DVL3: variants seen among roughly 807,000 people sequenced by gnomAD.
DVL3 encodes segment polarity protein dishevelled homolog DVL-3.
Under a neutral mutation model 67.4 loss-of-function variants are expected in DVL3, and 27 were observed. The ratio of observed to expected loss-of-function variants is 0.40; its 90% CI spans 0.30 to 0.55. DVL3 has a LOEUF of 0.55. Ranked by LOEUF, DVL3 falls within the 20% of genes least tolerant of loss-of-function variation. The probability of loss-of-function intolerance (pLI) is 0.46; values close to 1 mark genes in which losing one functional copy is unlikely to be tolerated. For missense variants in DVL3, 819 were observed against 1,021.5 expected (o/e 0.80, Z 2.70); for synonymous variants, 369 against 396.8 (o/e 0.93, Z 0.83).
intron 1 of DVL3, among the ~76,000 whole-genome samples, chr3:184,162,933 C>A (rs1004954780): frequency 5.9e-5 from 9 of 152,110 alleles, no homozygotes; most frequent in African/African-American, 2.2e-4. Context: ...GCAGTAACTA[C>A]AGTTTGGGGC....
intron 1 of DVL3, among the ~76,000 whole-genome samples, chr3:184,162,601 CCAGGCTGGAGCA>C (rs1442723802): frequency 7.2e-6 from 1 of 139,382 alleles, no homozygotes; most frequent in Non-Finnish European, 1.5e-5. Flanking sequence ...ACTCTGTTGC[CCAGGCTGGAGCA>C]CAGTGGCGTG....
Position 184,161,349 on chromosome 3 carries a change from C to T in DVL3, c.162-2308C>T, listed in dbSNP as rs796186473. On this transcript the variant is annotated intron_variant, in intron 1 of 14. Transcript: ENST00000313143. ...GGCTGAGGCAGGAGAATCACTTGAA[C>T]CCGGGAGGCGCAGGTTGCAGTGGGC... is the stretch of plus-strand genomic sequence containing the variant. 4.5e-4 allele frequency among the ~76,000 whole-genome samples: 68 copies of T among 152,278 alleles called. 1 individual carries two copies. The highest frequency in any genetic ancestry group is 1.6e-3 in the African/African-American group (66 of 41,564).
Position 184,170,996 on chromosome 3 carries a change from G to A in DVL3, c.*241G>A. On this transcript the variant is annotated 3_prime_UTR_variant, in exon 15 of 15. Coordinates refer to ENST00000313143, the MANE Select transcript of DVL3 (RefSeq NM_004423.4). This position sits in a 1 kb window ranked among gnomAD's most constrained non-coding sequence, Gnocchi z 6.5. ...CCTCTGCCCACTAATCCCTGCGCAGGACTTCCCAGGACCCCTTTTGTCTCT... is the reference window on the plus strand; with the variant it reads ...CCTCTGCCCACTAATCCCTGCGCAGAACTTCCCAGGACCCCTTTTGTCTCT... The A allele has an allele frequency of 1.4e-6, 2 of 1,474,440 alleles. No individual in the cohort carries two copies. Among genetic ancestry groups the A allele is most frequent in the Non-Finnish European group, 9.0e-7 (1 of 1,109,456 alleles). The allele number at this position is 1,474,440 out of a possible 1,614,324, so 91.3% of individuals were successfully genotyped here.
At position 184,170,347 on chromosome 3, in the gene DVL3, C is replaced by T. The variant is rs923755181; in HGVS notation, c.1743C>T (p.Ser581=). ...EGSRSSGSNR[S]GSDRRKEKDP... is the part of the protein sequence containing the mutation. ...GTCGGAGCAGTGGCTCCAACCGTAG[C>T]GGCAGCGATCGGAGGAAGGAGAAGG... Residue 581 remains serine (S), a synonymous_variant, in exon 15 of 15, where the codon AGC becomes AGT. Transcript: ENST00000313143. The surrounding 1 kb of genome is among the most constrained non-coding windows in gnomAD (Gnocchi z 6.5). 4.4e-6 allele frequency: 7 copies of T among 1,604,512 alleles called. No homozygotes were observed. In the African/African-American group the frequency reaches 8.0e-5, roughly 18 times the overall value.
rs1577047835 is a variant in DVL3, at chr3:184,164,066, T to G, written c.232-201T>G. On this transcript the variant is annotated intron_variant, in intron 2 of 14. Coordinates refer to ENST00000313143, the MANE Select transcript of DVL3 (RefSeq NM_004423.4). The surrounding 1 kb of genome is among the most constrained non-coding windows in gnomAD (Gnocchi z 5.3). ...GTCCCCATTCCACTTCACCACCCCA[T>G]GCCTTCCAACAACCCCGTCAATAGC... is the stretch of plus-strand genomic sequence containing the variant. Among the ~76,000 whole-genome samples, 1 of 152,086 alleles carries G rather than the reference T, an allele frequency of 6.6e-6. No individual in the cohort carries two copies. Among genetic ancestry groups the G allele is most frequent in the East Asian group, 1.9e-4 (1 of 5,174 alleles).
intron 13 of DVL3, 21 bp from the exon 14 acceptor site, chr3:184,169,985 A>C: frequency 6.3e-7 from 1 of 1,583,570 alleles, no homozygotes; most frequent in Non-Finnish European, 8.6e-7. Context: ...ACCTAGCTCC[A>C]TCCGGCCCTC....
At position 184,170,656 on chromosome 3, in the gene DVL3, C is replaced by T; in HGVS notation, c.2052C>T (p.Gly684=). 6.2e-7 allele frequency: 1 copy of T among 1,612,740 alleles called. No individual in the cohort carries two copies. Among genetic ancestry groups the T allele is most frequent in the Non-Finnish European group, 8.5e-7 (1 of 1,179,414 alleles). ...TGGGGCCCCCAGGAGCCCCTCCGGG[C>T]CGCGACCTGGCCTCAGTGCCCCCGG... is the stretch of plus-strand genomic sequence containing the variant. ...AAMGPPGAPP[G]RDLASVPPEL... Residue 684 remains glycine (G), a synonymous_variant, in exon 15 of 15, where the codon GGC becomes GGT. Transcript: ENST00000313143. This position sits in a 1 kb window ranked among gnomAD's most constrained non-coding sequence, Gnocchi z 6.5.
Position 184,164,964 on chromosome 3 carries a change from A to G in DVL3, c.599+33A>G. 12 of 1,613,800 alleles carry G rather than the reference A, an allele frequency of 7.4e-6. No homozygotes were observed. The highest frequency in any genetic ancestry group is 1.1e-5 in the South Asian group (1 of 91,076). On this transcript the variant is annotated intron_variant, in intron 5 of 14. Coordinates refer to ENST00000313143, the MANE Select transcript of DVL3 (RefSeq NM_004423.4). The surrounding 1 kb of genome is among the most constrained non-coding windows in gnomAD (Gnocchi z 5.3). ...TTGAGTTTCATGGGTATTGTGGGGC[A>G]GGTGACCCTGGAGGAGCCCTAAACC...
chr3:184,171,097 T>G lies in DVL3; in HGVS notation c.*342T>G. 8.2e-7 allele frequency: 1 copy of G among 1,225,598 alleles called. No homozygotes were observed. Among genetic ancestry groups the G allele is most frequent in the Non-Finnish European group, 1.0e-6 (1 of 969,570 alleles). 75.9% of individuals were successfully genotyped at this position (1,225,598 alleles called of 1,614,324 possible). A position where few individuals can be genotyped will look rare whatever the true frequency, so the allele number is the denominator to read the frequency against. On this transcript the variant is annotated 3_prime_UTR_variant, in exon 15 of 15. Coordinates refer to ENST00000313143, the MANE Select transcript of DVL3 (RefSeq NM_004423.4). ...TTGGGAGTTGACCCCAGCAATGACC[T>G]TGGTGGCACGCTCACTCCCTCATTC...
rs1577049004 is a variant in DVL3 at position 184,165,280 on chromosome 3, C to T, written c.693+74C>T. The T allele has an allele frequency of 1.3e-6, 2 of 1,540,816 alleles. No individual in the cohort carries two copies. Among genetic ancestry groups the T allele is most frequent in the Non-Finnish European group, 1.8e-6 (2 of 1,132,742 alleles). ...TTCCTACGCAGGGCCAAGGCTTGTT[C>T]TTCCTTAGATCCCATCCCCCTAGTG... is the stretch of plus-strand genomic sequence containing the variant. On this transcript the variant is annotated intron_variant, in intron 6 of 14. Coordinates refer to ENST00000313143, the MANE Select transcript of DVL3 (RefSeq NM_004423.4). The surrounding 1 kb of genome is among the most constrained non-coding windows in gnomAD (Gnocchi z 4.1).
Position 184,165,062 on chromosome 3 carries a change from ATGG to A in DVL3, c.600-50_600-48del, listed in dbSNP as rs990359273. ...CCCAGGCCCTGCAGTGCCTCCCCTC[ATGG>A]GGGCAGGGCTGGGCCAGCCTGGTGG... On this transcript the variant is annotated intron_variant, in intron 5 of 14. Transcript: ENST00000313143. The surrounding 1 kb of genome is among the most constrained non-coding windows in gnomAD (Gnocchi z 4.1). The A allele has an allele frequency of 8.7e-6, 14 of 1,611,002 alleles. No homozygotes were observed. Among genetic ancestry groups the A allele is most frequent in the Non-Finnish European group, 1.2e-5 (14 of 1,178,230 alleles).
chr3:184,166,409 A>T lies in DVL3; in HGVS notation c.904-37A>T, dbSNP rs1228218864. The T allele has an allele frequency of 1.2e-6, 2 of 1,613,654 alleles. No homozygotes were observed. Among genetic ancestry groups the T allele is most frequent in the South Asian group, 1.1e-5 (1 of 91,050 alleles). Reference sequence around the variant, plus strand: ...GTTGAGTTCCCTTTTCATCCTCCCCAGCACAGCTGTTTATCCCACTCCTGG... The same window carrying T: ...GTTGAGTTCCCTTTTCATCCTCCCCTGCACAGCTGTTTATCCCACTCCTGG... On this transcript the variant is annotated intron_variant, in intron 8 of 14. Coordinates refer to ENST00000313143, the MANE Select transcript of DVL3 (RefSeq NM_004423.4). The surrounding 1 kb of genome is among the most constrained non-coding windows in gnomAD (Gnocchi z 6.7).
chr3:184,162,060 A>G (rs1714399865), intron 1 of DVL3, among the ~76,000 whole-genome samples: 1 of 152,182 alleles, frequency 6.6e-6, no homozygotes, highest in African/African-American at 2.4e-5. Flanking sequence ...TATTGAGCCT[A>G]GTTTCCCCAT....
intron 1 of DVL3, among the ~76,000 whole-genome samples, chr3:184,161,598 C>T (rs886991593): frequency 6.6e-6 from 1 of 152,130 alleles, no homozygotes; most frequent in Non-Finnish European, 1.5e-5. Context: ...CTTTTCCACT[C>T]CCCTTCCTAG....
rs200716382 is a variant in DVL3, at chr3:184,165,141, G to A, written c.628G>A (p.Ala210Thr). 2.5e-6 allele frequency: 4 copies of A among 1,612,484 alleles called. No individual in the cohort carries two copies. Among genetic ancestry groups the A allele is most frequent in the Non-Finnish European group, 3.4e-6 (4 of 1,179,418 alleles). ...CAGCAGCTCCACAGAACAGAGCAGT[G>A]CCTCACGCCTGATGAGAAGACACAA... The part of the protein sequence containing the change: ...RFSSSTEQSS[A>T]SRLMRRHKRR... Residue 210 changes from alanine to threonine, a missense_variant, in exon 6 of 15, where the codon GCC becomes ACC. By Grantham distance (58) the Ala-to-Thr change is moderately conservative. Transcript: ENST00000313143. The surrounding 1 kb of genome is among the most constrained non-coding windows in gnomAD (Gnocchi z 4.1).
At position 184,170,169 on chromosome 3, in the gene DVL3, G is replaced by A. The variant is rs745582894; in HGVS notation, c.1662G>A (p.Pro554=). 2.5e-6 allele frequency: 4 copies of A among 1,613,326 alleles called. No homozygotes were observed. Among genetic ancestry groups the A allele is most frequent in the Admixed American group, 3.3e-5 (2 of 59,980 alleles). ...CATACAACCCGCACCCGGGCTTCCC[G>A]GAGCTGGGCTACAGCTACGGCGGGG... The part of the protein sequence containing the change: ...PHPYNPHPGF[P]ELGYSYGGGS... Residue 554 remains proline, a synonymous_variant, in exon 14 of 15, where the codon CCG becomes CCA. Coordinates refer to ENST00000313143, the MANE Select transcript of DVL3 (RefSeq NM_004423.4). The surrounding 1 kb of genome is among the most constrained non-coding windows in gnomAD (Gnocchi z 6.5).
Position 184,165,359 on chromosome 3 carries a change from G to A in DVL3, c.694-63G>A. The A allele has an allele frequency of 6.3e-7, 1 of 1,575,228 alleles. No individual in the cohort carries two copies. ...TGCACCGGGGACTCACCTTGAGGAGGAGTCAGGTGGGAGTGAATTCCTGCC... is the reference window on the plus strand; with the variant it reads ...TGCACCGGGGACTCACCTTGAGGAGAAGTCAGGTGGGAGTGAATTCCTGCC... On this transcript the variant is annotated intron_variant, in intron 6 of 14. Coordinates refer to ENST00000313143, the MANE Select transcript of DVL3 (RefSeq NM_004423.4). The surrounding 1 kb of genome is among the most constrained non-coding windows in gnomAD (Gnocchi z 4.1).
chr3:184,162,281 G>A (rs1222944026), intron 1 of DVL3, among the ~76,000 whole-genome samples: 2 of 151,136 alleles, frequency 1.3e-5, no homozygotes, highest in Non-Finnish European at 2.9e-5. Flanking sequence ...AGGCTCAAGC[G>A]ATCGTCCCAC....
Position 184,165,331 on chromosome 3 carries a change from G to C in DVL3, c.694-91G>C. 6.5e-7 allele frequency: 1 copy of C among 1,544,580 alleles called. No individual in the cohort carries two copies. The highest frequency in any genetic ancestry group is 8.9e-7 in the Non-Finnish European group (1 of 1,125,456). On this transcript the variant is annotated intron_variant, in intron 6 of 14. Transcript: ENST00000313143. The surrounding 1 kb of genome is among the most constrained non-coding windows in gnomAD (Gnocchi z 4.1). ...CAGTGTTGAGAACCTTGGGGCTGGG[G>C]GCTGCACCGGGGACTCACCTTGAGG... is the stretch of plus-strand genomic sequence containing the variant.
Sources: gnomAD v4.1 joint callset for allele counts (sites outside exome capture counted in the v4.1 genomes callset) on GRCh38, gnomAD v4.1.1 for gene constraint, Gnocchi (gnomAD v3.1) non-coding constraint, MANE v1.5 for transcripts, NCBI Gene and HGNC (gene_info 2026-07-23, HGNC 2026-07-21) for gene names.